Variants in VPS35L observed in about 807,000 individuals in gnomAD.
The protein encoded by VPS35L is VPS35 endosomal protein-sorting factor-like.
In VPS35L, 83 loss-of-function variants were observed where a neutral mutation model predicts 133.0. The observed-to-expected ratio is 0.62, with a 90% CI of 0.52 to 0.75. The LOEUF (loss-of-function observed/expected upper bound fraction) is 0.75, where lower values mean the gene tolerates loss of function less well. Among genes scored for constraint, VPS35L ranks in the 30% least tolerant of loss-of-function variants. VPS35L has a pLI of 0.00. For synonymous variants in VPS35L, 423 were observed against 449.9 expected (o/e 0.94, Z 0.76); for missense variants, 1,083 against 1,206.8 (o/e 0.90, Z 1.52).
chr16:19,561,165 C>T (rs1280073535), intron 1 of VPS35L, among the ~76,000 whole-genome samples: 2 of 151,996 alleles, frequency 1.3e-5, no homozygotes, highest in East Asian at 1.9e-4. Flanking sequence ...GTCGGGAGAT[C>T]GAGACCATCC....
chr16:19,698,401 G>C (rs1485925781), intron 29 of VPS35L, among the ~76,000 whole-genome samples: 1 of 152,080 alleles, frequency 6.6e-6, no homozygotes, highest in Non-Finnish European at 1.5e-5. Flanking sequence ...TCGGAGAAAT[G>C]CTTCTGCTTT....
intron 18 of VPS35L, 105 bp downstream of exon 18, chr16:19,629,925 C>A: frequency 3.0e-6 from 3 of 1,013,658 alleles, no homozygotes; most frequent in Admixed American, 2.1e-5. Context: ...ACGGTACTTG[C>A]TCTTGTAATT....
intron 1 of VPS35L, among the ~76,000 whole-genome samples, chr16:19,559,895 C>T (rs1341891583): frequency 6.6e-6 from 1 of 151,992 alleles, no homozygotes; most frequent in Non-Finnish European, 1.5e-5. Context: ...GCCGTGTTGG[C>T]CAGGCTGGTC....
At chr16:19,611,927 T>C (rs1425287358) in intron 12 of VPS35L, 1 of 151,956 alleles carries the variant, frequency 6.6e-6, no homozygotes. Flanking sequence ...AAGATATTGT[T>C]TGCATATTTC....
chr16:19,648,021 A>G (rs1974006961), intron 24 of VPS35L, 139 bp downstream of exon 24: 1 of 749,138 alleles, frequency 1.3e-6, no homozygotes, highest in African/African-American at 1.8e-5. Flanking sequence ...TGGCGCAATC[A>G]TAGCTCACTG....
intron 29 of VPS35L, among the ~76,000 whole-genome samples, chr16:19,695,388 G>A (rs1025207085): frequency 6.6e-6 from 1 of 152,216 alleles, no homozygotes; most frequent in Non-Finnish European, 1.5e-5. Flanking sequence ...TCTTTCTCTG[G>A]TGGAGAGAGG....
At chr16:19,664,721 G>T (rs978198067) in intron 26 of VPS35L, among the ~76,000 whole-genome samples, 1 of 151,996 alleles carries the variant, frequency 6.6e-6, no homozygotes, top group African/African-American at 2.4e-5. Context: ...CCAACATGGT[G>T]AAACCCCATC....
chr16:19,626,273 G>C (rs767930616), intron 15 of VPS35L, 50 bp downstream of exon 15: 3 of 1,413,226 alleles, frequency 2.1e-6, no homozygotes, highest in Non-Finnish European at 3.0e-6. Context: ...GGCGTTGGCT[G>C]CTATTTTTGA....
chr16:19,576,372 C>T (rs938388710), intron 5 of VPS35L, among the ~76,000 whole-genome samples: 8 of 152,204 alleles, frequency 5.3e-5, no homozygotes, highest in Middle Eastern at 3.4e-3. Flanking sequence ...TAGTCTTATA[C>T]GTCACTGGTC....
intron 24 of VPS35L, among the ~76,000 whole-genome samples, chr16:19,649,699 T>A (rs1156711652): frequency 6.6e-6 from 1 of 152,232 alleles, no homozygotes; most frequent in Non-Finnish European, 1.5e-5. Context: ...ACTTTTTATA[T>A]CTGTGGAAGG....
chr16:19,685,917 CTCTCCTTCCTCTCCCTTA>C (rs1975443011), intron 28 of VPS35L, among the ~76,000 whole-genome samples: 3 of 151,968 alleles, frequency 2.0e-5, no homozygotes, highest in South Asian at 4.2e-4. Context: ...CCTCTCCCTC[CTCTCCTTCCTCTCCCTTA>C]AACAGATTCA....
chr16:19,563,650 A>T (rs1971094731), intron 1 of VPS35L, among the ~76,000 whole-genome samples: 2 of 152,074 alleles, frequency 1.3e-5, no homozygotes, highest in African/African-American at 4.8e-5. Flanking sequence ...TTTATTTTCC[A>T]GCTCACAAAT....
In VPS35L at chr16:19,633,318, G is replaced by C. The variant is rs1166013540; in HGVS notation, c.1635+146G>C. ...GCCATATCCTAGCCATGTGCCCTTT[G>C]ATCAGTTACTTAACCTTGTTGTGCC... On this transcript the variant is annotated intron_variant, in intron 19 of 30. Transcript: ENST00000417362. The surrounding 1 kb of genome is among the most constrained non-coding windows in gnomAD (Gnocchi z 4.1). The C allele has an allele frequency of 1.3e-6, 1 of 762,380 alleles. No homozygotes were observed. The highest frequency in any genetic ancestry group is 2.2e-6 in the Non-Finnish European group (1 of 452,068). 47.2% of individuals were successfully genotyped at this position (762,380 alleles called of 1,614,324 possible). A position where few individuals can be genotyped will look rare whatever the true frequency, so the allele number is the denominator to read the frequency against.
At chr16:19,585,587 T>C (rs1307646016) in intron 7 of VPS35L, among the ~76,000 whole-genome samples, 1 of 150,084 alleles carries the variant, frequency 6.7e-6, no homozygotes, top group Non-Finnish European at 1.5e-5. Flanking sequence ...TTTTTTTTTG[T>C]AGAGACAGGG....
intron 19 of VPS35L, among the ~76,000 whole-genome samples, chr16:19,637,071 T>A (rs1973644633): frequency 6.6e-6 from 1 of 152,250 alleles, no homozygotes; most frequent in Non-Finnish European, 1.5e-5. Flanking sequence ...GTGAATAAAG[T>A]TTTATTGGCA....
chr16:19,657,004 C>T (rs186929268), intron 26 of VPS35L, among the ~76,000 whole-genome samples: 15 of 138,400 alleles, frequency 1.1e-4, no homozygotes, highest in Admixed American at 5.6e-4. Flanking sequence ...CCTGCTCCGT[C>T]GTCCAGGCTG....
Position 19,699,256 on chromosome 16 carries a change from C to T in VPS35L, c.2647-246C>T, listed in dbSNP as rs1159016441. On this transcript the variant is annotated intron_variant, in intron 29 of 30. Coordinates refer to ENST00000417362, the MANE Select transcript of VPS35L (RefSeq NM_020314.7). The surrounding 1 kb of genome is among the most constrained non-coding windows in gnomAD (Gnocchi z 4.2). The stretch of plus-strand genomic sequence containing the variant: ...CTTCCATTTCATGAGTAATGACCAT[C>T]TGTGGGCACAGAGCTTCGTCATCTT... The T allele has an allele frequency of 1.1e-5, 5 of 443,932 alleles. No individual in the cohort carries two copies. Among genetic ancestry groups the T allele is most frequent in the African/African-American group, 9.8e-5 (5 of 50,840 alleles). The allele number at this position is 443,932 out of a possible 1,614,324, so 27.5% of individuals were successfully genotyped here.
intron 5 of VPS35L, among the ~76,000 whole-genome samples, chr16:19,576,322 C>G (rs1311075543): frequency 6.6e-6 from 1 of 151,996 alleles, no homozygotes; most frequent in African/African-American, 2.4e-5. Context: ...AAGTCTTTTC[C>G]CTTGTGCAAT....
chr16:19,692,076 C>T (rs1482877624), intron 29 of VPS35L, among the ~76,000 whole-genome samples: 2 of 152,102 alleles, frequency 1.3e-5, no homozygotes, highest in South Asian at 2.1e-4. Context: ...TGGGGTTTCA[C>T]TATGTTGGCC....
Sources: gnomAD v4.1 joint callset for allele counts (sites outside exome capture counted in the v4.1 genomes callset) on GRCh38, gnomAD v4.1.1 for gene constraint, Gnocchi (gnomAD v3.1) non-coding constraint, MANE v1.5 for transcripts, NCBI Gene and HGNC (gene_info 2026-07-23, HGNC 2026-07-21) for gene names.